The following ELAPOR2 variants were observed in gnomAD, a reference collection of about 807,000 sequenced individuals.
The protein encoded by ELAPOR2 is endosome/lysosome-associated apoptosis and autophagy regulator family member 2.
Under a neutral mutation model 120.7 loss-of-function variants are expected in ELAPOR2, and 89 were observed. That is an observed-to-expected ratio of 0.74 (90% confidence interval 0.62 to 0.88). ELAPOR2 has a LOEUF of 0.88. ELAPOR2 is among the 40% of genes least tolerant of loss of function. The pLI, the probability that ELAPOR2 is intolerant of heterozygous loss-of-function variation, is 0.00. For synonymous variants in ELAPOR2, 444 were observed against 444.9 expected (o/e 1.00, Z 0.03); for missense variants, 1,134 against 1,251.6 (o/e 0.91, Z 1.42).
chr7:86,994,335 A>G (rs80117998), intron 1 of ELAPOR2, among the ~76,000 whole-genome samples: 5,780 of 152,292 alleles, frequency 0.038, 371 homozygotes, highest in African/African-American at 0.13. Context: ...AGGTATAACA[A>G]TGAGTAAATA....
intron 19 of ELAPOR2, 104 bp from the exon 20 acceptor site, chr7:86,893,204 G>GA: frequency 2.2e-6 from 2 of 912,600 alleles, no homozygotes; most frequent in Non-Finnish European, 3.3e-6. Context: ...CATAAAAGAA[G>GA]AAAGGGTTTT....
At position 86,926,753 on chromosome 7, in the gene ELAPOR2, A is replaced by T; in HGVS notation, c.1253T>A (p.Phe418Tyr). The part of the protein sequence containing the change: ...SSCHPCPPGT[F>Y]SDGTKECRPC... ...CATCCTACCTTTGGTTCCATCTGAA[A>T]ATGTTCCAGGAGGACAGGGATGGCA... Residue 418 changes from phenylalanine (F) to tyrosine (Y), a missense_variant, in exon 9 of 22, where the codon TTT (phenylalanine) becomes TAT (tyrosine). Physicochemically the swap from Phe to Tyr is conservative, Grantham distance 22. This residue lies in a region of ELAPOR2 where 831 missense variants were observed against 867.6 expected (regional missense o/e 0.96). Transcript: ENST00000450689. 1 of 1,608,578 alleles carries T rather than the reference A, an allele frequency of 6.2e-7. No homozygotes were observed. The highest frequency in any genetic ancestry group is 8.5e-7 in the Non-Finnish European group (1 of 1,177,390).
chr7:86,972,565 A>G (rs1044441441), intron 1 of ELAPOR2, among the ~76,000 whole-genome samples: 4 of 151,178 alleles, frequency 2.6e-5, no homozygotes, highest in African/African-American at 9.7e-5. Flanking sequence ...GAGGTTACAG[A>G]TTCAGGGACA....
rs138789304 is a variant in ELAPOR2 at position 86,962,542 on chromosome 7, C to T, written c.310+2362G>A. Among the ~76,000 whole-genome samples the T allele has an allele frequency of 5.4e-3, 821 of 152,286 alleles. 8 individuals carry two copies. Among genetic ancestry groups the T allele is most frequent in the Middle Eastern group, 0.017 (5 of 294 alleles). On this transcript the variant is annotated intron_variant, in intron 2 of 21. Coordinates refer to ENST00000450689, the MANE Select transcript of ELAPOR2 (RefSeq NM_001142749.3). Reference sequence around the variant, plus strand: ...GGAAGCTTCTCCAGGCTGCTATCTTCGAGTGGCAGGTTAACTCAGTGGGTA... The same window carrying T: ...GGAAGCTTCTCCAGGCTGCTATCTTTGAGTGGCAGGTTAACTCAGTGGGTA...
Position 86,926,899 on chromosome 7 carries a change from C to T in ELAPOR2, c.1107G>A (p.Lys369=), listed in dbSNP as rs371165062. ...DEEGKTQIMY[K]WIEPKICRED... is the part of the protein sequence containing the mutation. The stretch of plus-strand genomic sequence containing the variant: ...CCCGGCAGATTTTGGGCTCTATCCA[C>T]TTGTACATTATCTGTGTCTACAAAA... Residue 369 remains lysine, a synonymous_variant, in exon 9 of 22, where the codon AAG becomes AAA. Coordinates refer to ENST00000450689, the MANE Select transcript of ELAPOR2 (RefSeq NM_001142749.3). 25 of 844,120 alleles carry T rather than the reference C, an allele frequency of 3.0e-5. No individual in the cohort carries two copies. Among genetic ancestry groups the T allele is most frequent in the Non-Finnish European group, 4.2e-5 (24 of 575,252 alleles). The allele number at this position is 844,120 out of a possible 1,614,324, so 52.3% of individuals were successfully genotyped here.
chr7:87,029,753 G>C (rs1404374467), intron 1 of ELAPOR2, among the ~76,000 whole-genome samples: 1 of 152,038 alleles, frequency 6.6e-6, no homozygotes, highest in Non-Finnish European at 1.5e-5. Flanking sequence ...AAGAAATATG[G>C]ATAAGATCAC....
At chr7:87,034,745 T>C (rs1408005113) in intron 1 of ELAPOR2, among the ~76,000 whole-genome samples, 1 of 152,144 alleles carries the variant, frequency 6.6e-6, no homozygotes, top group Non-Finnish European at 1.5e-5. Flanking sequence ...ACTGTGTTTT[T>C]ACACTGTAGC....
At chr7:87,030,580 C>G (rs1292109935) in intron 1 of ELAPOR2, among the ~76,000 whole-genome samples, 2 of 152,138 alleles carry the variant, frequency 1.3e-5, no homozygotes, top group Non-Finnish European at 2.9e-5. Context: ...AATGGTTTCT[C>G]CATACATTAT....
intron 1 of ELAPOR2, among the ~76,000 whole-genome samples, chr7:87,051,576 T>C (rs1297445659): frequency 6.6e-6 from 1 of 152,230 alleles, no homozygotes; most frequent in Non-Finnish European, 1.5e-5. Context: ...AGACAGGTTT[T>C]ACTCTGTCCA....
intron 1 of ELAPOR2, 118 bp from the exon 2 acceptor site, chr7:86,965,142 C>T: frequency 1.0e-6 from 1 of 978,278 alleles, no homozygotes; most frequent in Non-Finnish European, 1.5e-6. Flanking sequence ...ATTCTTATCC[C>T]TCCCCCATCC....
intron 2 of ELAPOR2, among the ~76,000 whole-genome samples, chr7:86,963,202 T>C (rs1479558549): frequency 6.6e-6 from 1 of 152,202 alleles, no homozygotes; most frequent in Non-Finnish European, 1.5e-5. Flanking sequence ...GTGACCTGAT[T>C]AGTAGTCAGA....
chr7:87,042,485 T>G (rs888919832), intron 1 of ELAPOR2, among the ~76,000 whole-genome samples: 6 of 151,614 alleles, frequency 4.0e-5, no homozygotes, highest in African/African-American at 9.8e-5. Flanking sequence ...TACATGGAAA[T>G]TGAACAACCT....
chr7:86,878,037 G>A lies in ELAPOR2; in HGVS notation c.*2434C>T, dbSNP rs1799236258. 6.6e-6 allele frequency: 1 copy of A among 152,098 alleles called. No homozygotes were observed. Among genetic ancestry groups the A allele is most frequent in the South Asian group, 2.1e-4 (1 of 4,818 alleles). 9.4% of individuals were successfully genotyped at this position (152,098 alleles called of 1,614,324 possible). A position where few individuals can be genotyped will look rare whatever the true frequency, so the allele number is the denominator to read the frequency against. On this transcript the variant is annotated 3_prime_UTR_variant, in exon 22 of 22. Coordinates refer to ENST00000450689, the MANE Select transcript of ELAPOR2 (RefSeq NM_001142749.3). ...TGACGAGTGCTAAGAGATGTTATAG[G>A]CAACAGTTGACTTAATGAAGTAGTT...
At position 86,944,923 on chromosome 7, in the gene ELAPOR2, G is replaced by A. The variant is rs545236054; in HGVS notation, c.630C>T (p.Asp210=). 10 of 1,547,890 alleles carry A rather than the reference G, an allele frequency of 6.5e-6. No homozygotes were observed. In the African/African-American group the frequency reaches 1.1e-4, roughly 17 times the overall value. The change falls in exon 4 of 22, where the codon GAC becomes GAT. Residue 210 remains aspartate, a synonymous_variant. Transcript: ENST00000450689. ...GYVFFEYQYV[D]NNIFFEFFIQ... is the part of the protein sequence containing the mutation. ...CAAAGAACTCAAAGAAGATGTTGTT[G>A]TCGACATACTGGTACTCAAAGAAGA...
At chr7:87,013,269 A>T (rs1404350567) in intron 1 of ELAPOR2, among the ~76,000 whole-genome samples, 1 of 152,230 alleles carries the variant, frequency 6.6e-6, no homozygotes, top group African/African-American at 2.4e-5. Context: ...AAGCTCTAGC[A>T]CTATAAATCA....
chr7:87,021,557 G>A (rs149051922), intron 1 of ELAPOR2, among the ~76,000 whole-genome samples: 28 of 152,200 alleles, frequency 1.8e-4, no homozygotes, highest in African/African-American at 5.8e-4. Flanking sequence ...AACCTTCTAC[G>A]TATACCACTG....
At chr7:86,984,553 G>A (rs7784035) in intron 1 of ELAPOR2, among the ~76,000 whole-genome samples, 57,653 of 151,962 alleles carry the variant, frequency 0.38, 11,775 homozygotes, top group African/African-American at 0.53. Flanking sequence ...ACACAACTAC[G>A]TGGAAACTGA....
intron 1 of ELAPOR2, among the ~76,000 whole-genome samples, chr7:87,042,795 C>A (rs1420539051): frequency 6.6e-6 from 1 of 152,066 alleles, no homozygotes; most frequent in Non-Finnish European, 1.5e-5. Context: ...ACACAAAAAA[C>A]CCTTCAAAAA....
At chr7:86,972,617 A>T (rs1302202936) in intron 1 of ELAPOR2, among the ~76,000 whole-genome samples, 2 of 148,614 alleles carry the variant, frequency 1.3e-5, no homozygotes. Context: ...TTTTTTTTTT[A>T]AATGGAACTA....
Sources: allele counts gnomAD v4.1 joint callset (sites outside exome capture counted in the v4.1 genomes callset), GRCh38; gene constraint gnomAD v4.1.1; regional missense constraint gnomAD v4.1.1; transcripts MANE v1.5; gene names NCBI Gene and HGNC (gene_info 2026-07-23, HGNC 2026-07-21).